The following SMARCA4 variants were observed in gnomAD, a reference collection of about 807,000 sequenced individuals.
SMARCA4 encodes the protein SWI/SNF related BAF chromatin remodeling complex subunit ATPase 4.
Under a neutral mutation model 193.9 loss-of-function variants are expected in SMARCA4, and 31 were observed. The observed-to-expected ratio is 0.16, with a 90% CI of 0.12 to 0.22. The LOEUF (loss-of-function observed/expected upper bound fraction) is 0.22, where lower values mean the gene tolerates loss of function less well. Ranked by LOEUF, SMARCA4 falls within the 10% of genes least tolerant of loss-of-function variation. The pLI is 1.00. For synonymous variants in SMARCA4, 942 were observed against 933.1 expected (o/e 1.01, Z -0.17); for missense variants, 1,148 against 2,296.0 (o/e 0.50, Z 10.22).
chr19:11,015,565 T>TA (rs1383616733), intron 16 of SMARCA4, among the ~76,000 whole-genome samples: 1 of 152,204 alleles, frequency 6.6e-6, no homozygotes, highest in African/African-American at 2.4e-5. Flanking sequence ...ACCTAGGAGT[T>TA]ACACTTTCCG....
At chr19:11,029,111 C>T (rs922205380) in intron 24 of SMARCA4, among the ~76,000 whole-genome samples, 10 of 152,210 alleles carry the variant, frequency 6.6e-5, no homozygotes, top group Non-Finnish European at 1.5e-4. Flanking sequence ...GGGGTCTCCC[C>T]GGCTTGCCTT....
chr19:11,001,031 C>T (rs1464519963), intron 11 of SMARCA4, among the ~76,000 whole-genome samples: 1 of 151,810 alleles, frequency 6.6e-6, no homozygotes, highest in Middle Eastern at 3.2e-3. Flanking sequence ...GTTGTGTGTT[C>T]TAGTCACCTG....
rs2146670175 is a variant in SMARCA4, at chr19:11,033,902, C to A, written c.3873+37C>A. The A allele has an allele frequency of 1.3e-6, 1 of 771,642 alleles. No individual in the cohort carries two copies. Among genetic ancestry groups the A allele is most frequent in the Non-Finnish European group, 2.4e-6 (1 of 416,498 alleles). The allele number at this position is 771,642 out of a possible 1,614,324, so 47.8% of individuals were successfully genotyped here. A position where few individuals can be genotyped will look rare whatever the true frequency, so the allele number is the denominator to read the frequency against. On this transcript the variant is annotated intron_variant, in intron 27 of 34. Coordinates refer to ENST00000344626, the MANE Select transcript of SMARCA4 (RefSeq NM_003072.5). This position sits in a 1 kb window ranked among gnomAD's most constrained non-coding sequence, Gnocchi z 9.8. ...AGTTCAGTCTCCATGCCCATTCAAT[C>A]CTCGGCTTCTCGGCTGAGACGGCCA...
At chr19:11,016,544 TA>T (rs1373704476) in intron 16 of SMARCA4, among the ~76,000 whole-genome samples, 1 of 152,248 alleles carries the variant, frequency 6.6e-6, no homozygotes, top group African/African-American at 2.4e-5. Context: ...GGGTAATTAT[TA>T]TATCAGTGTG....
chr19:11,050,542 T>C (rs2076201188), intron 30 of SMARCA4, among the ~76,000 whole-genome samples: 1 of 152,220 alleles, frequency 6.6e-6, no homozygotes, highest in Non-Finnish European at 1.5e-5. Context: ...TGCCAATTCG[T>C]GGTGACAGCT....
At chr19:10,975,263 T>G (rs937610203) in intron 1 of SMARCA4, among the ~76,000 whole-genome samples, 1 of 151,186 alleles carries the variant, frequency 6.6e-6, no homozygotes, top group Admixed American at 6.6e-5. Flanking sequence ...GTGATCTGCC[T>G]TCCTTGGCCT....
intron 25 of SMARCA4, chr19:11,032,993 G>T (rs2075032777): frequency 2.0e-6 from 1 of 501,138 alleles, no homozygotes; most frequent in South Asian, 2.0e-5. Context: ...CACGGGAGCT[G>T]CTTGAGAATA....
At position 11,033,786 on chromosome 19, in the gene SMARCA4, G is replaced by A. The variant is rs775157286; in HGVS notation, c.3794G>A (p.Gly1265Asp). Residue 1265 changes from glycine (G) to aspartate (D), a missense_variant, in exon 27 of 35, where the codon GGC becomes GAC. By Grantham distance (94) the Gly-to-Asp change is moderately conservative. This residue lies in a region of SMARCA4 where 84 missense variants were observed against 202.2 expected (regional missense o/e 0.42). Coordinates refer to ENST00000344626, the MANE Select transcript of SMARCA4 (RefSeq NM_003072.5). The surrounding 1 kb of genome is among the most constrained non-coding windows in gnomAD (Gnocchi z 9.8). Reference sequence around the variant, plus strand: ...CCACAGAGCAGACACTGCAGCACGGGCAGCGGCAGTGCCAGCTTCGCCCAC... The same window carrying A: ...CCACAGAGCAGACACTGCAGCACGGACAGCGGCAGTGCCAGCTTCGCCCAC... ...EQDESRHCST[G>D]SGSASFAHTA... is the part of the protein sequence containing the mutation. 1 of 779,950 alleles carries A rather than the reference G, an allele frequency of 1.3e-6. No homozygotes were observed. Among genetic ancestry groups the A allele is most frequent in the Non-Finnish European group, 2.4e-6 (1 of 418,280 alleles). 48.3% of individuals were successfully genotyped at this position (779,950 alleles called of 1,614,324 possible).
At chr19:10,975,036 T>TTG (rs1555744704) in intron 1 of SMARCA4, among the ~76,000 whole-genome samples, 5 of 147,306 alleles carry the variant, frequency 3.4e-5, no homozygotes, top group African/African-American at 1.3e-4. Context: ...TTTTTTTTTT[T>TTG]TTTGAGACAG....
chr19:11,049,177 C>T (rs566185096), intron 30 of SMARCA4, among the ~76,000 whole-genome samples: 60 of 152,226 alleles, frequency 3.9e-4, no homozygotes, highest in African/African-American at 1.4e-3. Context: ...GCAGAGAGGA[C>T]ACAGTGCATG....
chr19:11,023,227 C>T (rs1053176105), intron 19 of SMARCA4, among the ~76,000 whole-genome samples: 2 of 152,196 alleles, frequency 1.3e-5, no homozygotes, highest in African/African-American at 2.4e-5. Context: ...AGCAGCATGC[C>T]CGCTGCCGGG....
In SMARCA4 at chr19:10,984,836, G is replaced by T. The variant is rs1385974567; in HGVS notation, c.223-437G>T. 2.0e-5 allele frequency among the ~76,000 whole-genome samples: 3 copies of T among 152,216 alleles called. No homozygotes were observed. ...CTTTACCTCACCTGCGCTGAGCAGG[G>T]CCTTCAGTCAGCAAGGTGGAGAAGG... On this transcript the variant is annotated intron_variant, in intron 2 of 34. Coordinates refer to ENST00000344626, the MANE Select transcript of SMARCA4 (RefSeq NM_003072.5). The surrounding 1 kb of genome is among the most constrained non-coding windows in gnomAD (Gnocchi z 4.3).
chr19:11,047,359 G>A (rs945752818), intron 30 of SMARCA4, among the ~76,000 whole-genome samples: 8 of 151,876 alleles, frequency 5.3e-5, no homozygotes, highest in African/African-American at 9.7e-5. Flanking sequence ...TGATGTTCCC[G>A]GTGACGTTGA....
At chr19:10,976,352 C>A (rs1471409852) in intron 1 of SMARCA4, among the ~76,000 whole-genome samples, 1 of 152,122 alleles carries the variant, frequency 6.6e-6, no homozygotes, top group Non-Finnish European at 1.5e-5. Context: ...CTGGCCTCAC[C>A]CCAGCCCTTC....
intron 1 of SMARCA4, among the ~76,000 whole-genome samples, chr19:10,966,071 C>T (rs2145435866): frequency 2.1e-5 from 3 of 145,660 alleles, no homozygotes; most frequent in Middle Eastern, 3.7e-3. Flanking sequence ...CAACATCCGA[C>T]TGCAGAGTTC....
rs775279296 is a variant in SMARCA4, at chr19:11,055,989, T to TC, written c.4425-2264dup. Reference sequence around the variant, plus strand: ...CTGTTGCCCCTGCCTGTGCTGCACGTCCTGCTTCACAGTGTAAAGCGCAAC... The same window carrying TC: ...CTGTTGCCCCTGCCTGTGCTGCACGTCCCTGCTTCACAGTGTAAAGCGCAAC... On this transcript the variant is annotated intron_variant, in intron 30 of 34. Coordinates refer to ENST00000344626, the MANE Select transcript of SMARCA4 (RefSeq NM_003072.5). Among the ~76,000 whole-genome samples the TC allele has an allele frequency of 2.6e-5, 4 of 152,228 alleles. No homozygotes were observed. The East Asian group carries it at 5.8e-4, about 22-fold the overall frequency.
intron 34 of SMARCA4, 65 bp from the exon 35 acceptor site, chr19:11,061,719 G>T: frequency 6.8e-7 from 1 of 1,478,026 alleles, no homozygotes. Flanking sequence ...AGTTTGGCAG[G>T]TCCCTGGCAA....
At chr19:11,046,110 A>C (rs892966299) in intron 30 of SMARCA4, among the ~76,000 whole-genome samples, 4 of 151,654 alleles carry the variant, frequency 2.6e-5, no homozygotes, top group Admixed American at 2.0e-4. Flanking sequence ...GTAGTCCCAG[A>C]TACTCGAGAG....
rs1122608 is a variant in SMARCA4, at chr19:11,052,925, G to T, written c.4425-5330G>T. Among the ~76,000 whole-genome samples the T allele has an allele frequency of 0.18, 27,057 of 152,202 alleles. 3,029 individuals are homozygous for T. The highest frequency in any genetic ancestry group is 0.25 in the Non-Finnish European group (17,002 of 67,990). On this transcript the variant is annotated intron_variant, in intron 30 of 34. Coordinates refer to ENST00000344626, the MANE Select transcript of SMARCA4 (RefSeq NM_003072.5). ...TCTCATTTCGTCGTGTAAAAGGCCA[G>T]TCCCCGCCTCGCAGTGTTGGGGCAG... is the stretch of plus-strand genomic sequence containing the variant.
Sources: allele counts gnomAD v4.1 joint callset (sites outside exome capture counted in the v4.1 genomes callset), GRCh38; gene constraint gnomAD v4.1.1; regional missense constraint gnomAD v4.1.1; non-coding constraint Gnocchi (gnomAD v3.1); transcripts MANE v1.5; gene names NCBI Gene and HGNC (gene_info 2026-07-23, HGNC 2026-07-21).